The following RBMS1 variants were observed in gnomAD, a reference collection of about 807,000 sequenced individuals.
RBMS1 encodes the protein RNA binding motif single stranded interacting protein 1.
In RBMS1, 17 loss-of-function variants were observed where a neutral mutation model predicts 62.3. That is an observed-to-expected ratio of 0.27 (90% confidence interval 0.19 to 0.41). The LOEUF is 0.41. Among genes scored for constraint, RBMS1 ranks in the 10% least tolerant of loss-of-function variants. The pLI is 1.00. For missense variants in RBMS1, 334 were observed against 504.5 expected (o/e 0.66, Z 3.24); for synonymous variants, 172 against 170.0 (o/e 1.01, Z -0.09).
intron 1 of RBMS1, among the ~76,000 whole-genome samples, chr2:160,441,526 C>A (rs1296048437): frequency 6.6e-6 from 1 of 152,192 alleles, no homozygotes; most frequent in African/African-American, 2.4e-5. Flanking sequence ...GAGTTCAAGA[C>A]CAACCTGGGG....
intron 1 of RBMS1, among the ~76,000 whole-genome samples, chr2:160,479,776 A>G (rs1685293098): frequency 6.6e-6 from 1 of 152,178 alleles, no homozygotes; most frequent in South Asian, 2.1e-4. Flanking sequence ...CCATTCTAAC[A>G]TTCTGTGATT....
At chr2:160,332,852 GT>G (rs1057192911) in intron 2 of RBMS1, among the ~76,000 whole-genome samples, 7 of 149,394 alleles carry the variant, frequency 4.7e-5, no homozygotes, top group African/African-American at 1.2e-4. Context: ...TATAAAGTAT[GT>G]TTTTTATACA....
At chr2:160,489,261 A>G (rs968949575) in intron 1 of RBMS1, among the ~76,000 whole-genome samples, 2 of 152,328 alleles carry the variant, frequency 1.3e-5, no homozygotes, top group Middle Eastern at 3.4e-3. Context: ...ATAGTCATAC[A>G]TAATACCCCA....
At chr2:160,312,120 C>T (rs1689959015) in intron 4 of RBMS1, among the ~76,000 whole-genome samples, 1 of 152,080 alleles carries the variant, frequency 6.6e-6, no homozygotes, top group Admixed American at 6.5e-5. Context: ...ATCTAAGGTC[C>T]CTCCAGCTTT....
intron 7 of RBMS1, among the ~76,000 whole-genome samples, chr2:160,286,274 T>C (rs572985927): frequency 3.4e-5 from 5 of 146,544 alleles, no homozygotes; most frequent in African/African-American, 1.0e-4. Flanking sequence ...GACTCCAGCC[T>C]GGGCAACAGA....
intron 1 of RBMS1, among the ~76,000 whole-genome samples, chr2:160,436,403 C>T (rs1483234564): frequency 3.9e-5 from 6 of 152,310 alleles, no homozygotes; most frequent in South Asian, 4.1e-4. Context: ...GGAAACCTTC[C>T]TAATATTCTA....
chr2:160,426,367 G>C (rs940791577), intron 1 of RBMS1, among the ~76,000 whole-genome samples: 1 of 150,822 alleles, frequency 6.6e-6, no homozygotes, highest in Non-Finnish European at 1.5e-5. Flanking sequence ...AGGAGAGAGG[G>C]AAAAAAAGAA....
intron 12 of RBMS1, among the ~76,000 whole-genome samples, 179 bp downstream of exon 12, chr2:160,277,124 A>G (rs1478571142): frequency 6.6e-6 from 1 of 152,136 alleles, no homozygotes; most frequent in African/African-American, 2.4e-5. Context: ...GACCATAAGC[A>G]ATCCTCCCTC....
intron 1 of RBMS1, among the ~76,000 whole-genome samples, chr2:160,410,793 C>T (rs990931126): frequency 6.6e-6 from 1 of 152,132 alleles, no homozygotes; most frequent in Non-Finnish European, 1.5e-5. Context: ...TACCAGGCTG[C>T]AGTGCAGTGG....
intron 5 of RBMS1, chr2:160,302,690 G>C (rs1241257469): frequency 6.6e-6 from 1 of 151,074 alleles, no homozygotes; most frequent in Admixed American, 6.6e-5. Flanking sequence ...TGTATTTTTA[G>C]TAGAGACAGG....
chr2:160,442,584 G>C (rs1476963606), intron 1 of RBMS1, among the ~76,000 whole-genome samples: 1 of 152,186 alleles, frequency 6.6e-6, no homozygotes, highest in Non-Finnish European at 1.5e-5. Context: ...ACAGCAGCTA[G>C]AGACTTTGCG....
intron 1 of RBMS1, among the ~76,000 whole-genome samples, chr2:160,492,456 G>T (rs1371021514): frequency 6.6e-6 from 1 of 152,186 alleles, no homozygotes; most frequent in Non-Finnish European, 1.5e-5. Flanking sequence ...ACCCAAGAGT[G>T]TGCCGAGGTC....
At chr2:160,424,365 T>TCCGG (rs1696557928) in intron 1 of RBMS1, among the ~76,000 whole-genome samples, 2 of 140,820 alleles carry the variant, frequency 1.4e-5, no homozygotes, top group Non-Finnish European at 3.1e-5. Context: ...GGTGAGAGAT[T>TCCGG]GGGGGGGGGG....
intron 1 of RBMS1, among the ~76,000 whole-genome samples, chr2:160,476,700 G>A (rs1343115380): frequency 1.3e-5 from 2 of 150,388 alleles, no homozygotes; most frequent in Admixed American, 1.3e-4. Context: ...GACTACAGGC[G>A]CCCGCCACTA....
At chr2:160,406,961 GTTTC>G (rs898799737) in intron 1 of RBMS1, among the ~76,000 whole-genome samples, 3 of 152,114 alleles carry the variant, frequency 2.0e-5, no homozygotes, top group African/African-American at 4.8e-5. Context: ...AGAAGTTCCT[GTTTC>G]TTTCTCTTTT....
chr2:160,402,603 T>C (rs1695497154), intron 1 of RBMS1, among the ~76,000 whole-genome samples: 1 of 152,206 alleles, frequency 6.6e-6, no homozygotes, highest in South Asian at 2.1e-4. Flanking sequence ...AAAACACTAA[T>C]ACATTCAAGA....
At chr2:160,348,609 A>G (rs1692314485) in intron 2 of RBMS1, among the ~76,000 whole-genome samples, 1 of 152,156 alleles carries the variant, frequency 6.6e-6, no homozygotes, top group South Asian at 2.1e-4. Context: ...TCTAATGACT[A>G]TCAACCTGCA....
At chr2:160,409,619 C>G (rs1695941295) in intron 1 of RBMS1, among the ~76,000 whole-genome samples, 1 of 152,166 alleles carries the variant, frequency 6.6e-6, no homozygotes, top group Admixed American at 6.5e-5. Flanking sequence ...CTCAACACCC[C>G]AGCAGCTCAG....
At chr2:160,464,842 A>G (rs999928142) in intron 1 of RBMS1, among the ~76,000 whole-genome samples, 2 of 152,212 alleles carry the variant, frequency 1.3e-5, no homozygotes, top group Non-Finnish European at 2.9e-5. Flanking sequence ...AAATGGACTA[A>G]TTCTTATTTA....
Sources: allele counts gnomAD v4.1 joint callset (sites outside exome capture counted in the v4.1 genomes callset), GRCh38; gene constraint gnomAD v4.1.1; transcripts MANE v1.5; gene names NCBI Gene and HGNC (gene_info 2026-07-23, HGNC 2026-07-21).